Variants in SLC24A2 observed in about 807,000 individuals in gnomAD.
SLC24A2 encodes sodium/potassium/calcium exchanger 2.
In SLC24A2, 36 loss-of-function variants were observed where a neutral mutation model predicts 62.0. The observed-to-expected ratio is 0.58, with a 90% CI of 0.44 to 0.77. SLC24A2 has a LOEUF of 0.77. Ranked by LOEUF, SLC24A2 falls within the 30% of genes least tolerant of loss-of-function variation. SLC24A2 has a pLI of 0.00. For missense variants in SLC24A2, 846 were observed against 817.9 expected (o/e 1.03, Z -0.42); for synonymous variants, 358 against 294.0 (o/e 1.22, Z -2.23).
At chr9:19,801,506 T>C in the SLC24A2 span, among the ~76,000 whole-genome samples, 18 of 152,256 alleles carry the variant, frequency 1.2e-4, no homozygotes, top group Admixed American at 2.6e-4. Flanking sequence ...TTGCAAGATT[T>C]AATAGAGTGA....
the SLC24A2 span, among the ~76,000 whole-genome samples, chr9:20,172,432 A>G: frequency 2.0e-5 from 3 of 152,122 alleles, no homozygotes; most frequent in Non-Finnish European, 4.4e-5. Context: ...GAAAAGATAG[A>G]TAAAATTGAT....
At chr9:19,566,922 G>A (rs1235235620) in intron 7 of SLC24A2, among the ~76,000 whole-genome samples, 1 of 150,114 alleles carries the variant, frequency 6.7e-6, no homozygotes, top group African/African-American at 2.4e-5. Flanking sequence ...AGAACACTTG[G>A]ACACAGGACG....
the SLC24A2 span, among the ~76,000 whole-genome samples, chr9:20,298,958 A>G: frequency 6.6e-6 from 1 of 152,222 alleles, no homozygotes; most frequent in Non-Finnish European, 1.5e-5. Context: ...CTGAACAGGG[A>G]GGATCCTAGA....
chr9:19,987,877 C>T, the SLC24A2 span, among the ~76,000 whole-genome samples: 2 of 152,152 alleles, frequency 1.3e-5, no homozygotes, highest in Non-Finnish European at 2.9e-5. Flanking sequence ...ACTGAACCAG[C>T]GACACCCATC....
chr9:20,299,358 C>G, the SLC24A2 span, among the ~76,000 whole-genome samples: 18 of 152,170 alleles, frequency 1.2e-4, no homozygotes, highest in Admixed American at 2.6e-4. Flanking sequence ...GGTGGGAATA[C>G]ACTAAGGGTG....
intron 7 of SLC24A2, among the ~76,000 whole-genome samples, chr9:19,560,851 T>G (rs569976429): frequency 6.6e-6 from 1 of 152,176 alleles, no homozygotes; most frequent in South Asian, 2.1e-4. Context: ...TCTATCTTTG[T>G]TCTTTTAATT....
chr9:20,121,234 A>C, the SLC24A2 span, among the ~76,000 whole-genome samples: 140 of 151,488 alleles, frequency 9.2e-4, no homozygotes, highest in African/African-American at 3.2e-3. Context: ...AGCAATATGA[A>C]GTCTTCCAAT....
Position 19,573,376 on chromosome 9 carries a change from T to G in SLC24A2, c.1322A>C (p.His441Pro), listed in dbSNP as rs1397122016. Residue 441 changes from histidine (H) to proline (P), a missense_variant, in exon 7 of 11, where the codon CAC becomes CCC. Transcript: ENST00000341998. ...CTGGGCTTCTGCACCTTCAATGTTG[T>G]GGGAGAGATTTCCATTTTGTACAGG... ...SEPVQNGNLSHNIEGAEAQTA... is the reference protein window; with the variant it reads ...SEPVQNGNLSPNIEGAEAQTA... 2.5e-6 allele frequency: 4 copies of G among 1,612,452 alleles called. No homozygotes were observed. Among genetic ancestry groups the G allele is most frequent in the Non-Finnish European group, 8.5e-7 (1 of 1,178,744 alleles).
chr9:19,927,383 AGAT>A, the SLC24A2 span: 1 of 152,202 alleles, frequency 6.6e-6, no homozygotes, highest in African/African-American at 2.4e-5. Context: ...CAAAAAATGG[AGAT>A]AATAAATGGC....
intron 2 of SLC24A2, among the ~76,000 whole-genome samples, chr9:19,746,536 T>G (rs1428514527): frequency 2.0e-5 from 3 of 152,154 alleles, no homozygotes; most frequent in Non-Finnish European, 4.4e-5. Context: ...TCAATAAAAT[T>G]GATACTTCTA....
At chr9:19,929,684 A>G in the SLC24A2 span, 1 of 152,550 alleles carries the variant, frequency 6.6e-6, no homozygotes, top group Admixed American at 6.5e-5. Context: ...TTATTAAAAA[A>G]AATGTTAACT....
At chr9:19,578,673 G>A (rs1301484580) in intron 5 of SLC24A2, among the ~76,000 whole-genome samples, 1 of 152,018 alleles carries the variant, frequency 6.6e-6, no homozygotes, top group Admixed American at 6.6e-5. Context: ...CTTTTCCTAG[G>A]ATAAAGCATG....
At chr9:20,144,406 C>T in the SLC24A2 span, among the ~76,000 whole-genome samples, 1 of 152,190 alleles carries the variant, frequency 6.6e-6, no homozygotes, top group Admixed American at 6.6e-5. Flanking sequence ...TTCTGTTATA[C>T]GGATGTCTGT....
the SLC24A2 span, among the ~76,000 whole-genome samples, chr9:20,306,564 C>T: frequency 3.3e-5 from 5 of 152,238 alleles, no homozygotes; most frequent in Admixed American, 1.3e-4. Context: ...GACCCTCTGG[C>T]GGGATTACCA....
At chr9:19,528,245 G>A in intron 8 of SLC24A2, 107 bp from the exon 9 acceptor site, 2 of 766,964 alleles carry the variant, frequency 2.6e-6, no homozygotes, top group Non-Finnish European at 4.6e-6. Context: ...AGCATTTCCT[G>A]CATCTTAGTA....
the SLC24A2 span, among the ~76,000 whole-genome samples, chr9:20,290,979 G>C: frequency 2.6e-5 from 4 of 152,162 alleles, no homozygotes; most frequent in Non-Finnish European, 5.9e-5. Context: ...CCTGCACCAA[G>C]GTACACAACC....
At chr9:20,258,094 G>T in the SLC24A2 span, among the ~76,000 whole-genome samples, 1 of 152,146 alleles carries the variant, frequency 6.6e-6, no homozygotes, top group African/African-American at 2.4e-5. Flanking sequence ...CACCCCATGT[G>T]GTAGGGAGAA....
chr9:19,866,292 G>A, the SLC24A2 span, among the ~76,000 whole-genome samples: 1 of 152,168 alleles, frequency 6.6e-6, no homozygotes, highest in African/African-American at 2.4e-5. Flanking sequence ...ACAGTTTGGA[G>A]ATTCCTCAAA....
chr9:19,553,463 T>A (rs1008724727), intron 7 of SLC24A2, among the ~76,000 whole-genome samples: 3 of 152,220 alleles, frequency 2.0e-5, no homozygotes, highest in Admixed American at 1.3e-4. Context: ...TAGTTTGATA[T>A]CTGCTGGGGT....
Sources: allele counts gnomAD v4.1 joint callset (sites outside exome capture counted in the v4.1 genomes callset), GRCh38; gene constraint gnomAD v4.1.1; transcripts MANE v1.5; gene names NCBI Gene and HGNC (gene_info 2026-07-23, HGNC 2026-07-21).